Variants in NELL1 observed in about 807,000 individuals in gnomAD.
NELL1 encodes neural EGFL like 1, also known as protein kinase C-binding protein NELL1.
In NELL1, 76 loss-of-function variants were observed where a neutral mutation model predicts 107.4. The observed-to-expected ratio is 0.71, with a 90% CI of 0.59 to 0.86. The LOEUF is 0.86. Ranked by LOEUF, NELL1 falls within the 40% of genes least tolerant of loss-of-function variation. The pLI, the probability that NELL1 is intolerant of heterozygous loss-of-function variation, is 0.00. For synonymous variants in NELL1, 353 were observed against 341.2 expected (o/e 1.03, Z -0.38); for missense variants, 1,024 against 1,005.5 (o/e 1.02, Z -0.25).
At chr11:21,535,866 T>G (rs373857048) in intron 16 of NELL1, among the ~76,000 whole-genome samples, 1 of 152,188 alleles carries the variant, frequency 6.6e-6, no homozygotes, top group African/African-American at 2.4e-5. Context: ...CTTTACATAC[T>G]GCCAGGTACT....
intron 9 of NELL1, among the ~76,000 whole-genome samples, chr11:20,931,155 C>G (rs1483177646): frequency 6.6e-6 from 1 of 151,734 alleles, no homozygotes; most frequent in Non-Finnish European, 1.5e-5. Flanking sequence ...TTTACAGTGT[C>G]TGGAACTGTA....
chr11:21,434,846 A>C (rs1853067209), intron 15 of NELL1, among the ~76,000 whole-genome samples: 3 of 151,966 alleles, frequency 2.0e-5, no homozygotes, highest in African/African-American at 7.2e-5. Flanking sequence ...TGTCCTCTTC[A>C]ATTTATTTCA....
intron 4 of NELL1, among the ~76,000 whole-genome samples, chr11:20,865,449 T>A (rs1849078132): frequency 6.6e-6 from 1 of 152,134 alleles, no homozygotes. Flanking sequence ...CTGAGCTGAG[T>A]ATCTTCTATT....
chr11:21,575,118 TG>T lies in NELL1; in HGVS notation c.*97del. On this transcript the variant is annotated 3_prime_UTR_variant, in exon 20 of 20. Transcript: ENST00000357134. ...GGTAGTTTGGTTTTTTTGTTTGTTT[TG>T]TTTTTTTAACCACAGATAATTGCCA... The T allele has an allele frequency of 8.4e-7, 1 of 1,187,946 alleles. No homozygotes were observed. Among genetic ancestry groups the T allele is most frequent in the African/African-American group, 1.5e-5 (1 of 65,968 alleles). 73.6% of individuals were successfully genotyped at this position (1,187,946 alleles called of 1,614,324 possible). A position where few individuals can be genotyped will look rare whatever the true frequency, so the allele number is the denominator to read the frequency against.
chr11:20,947,206 G>T (rs1296584462), intron 10 of NELL1, 130 bp from the exon 11 acceptor site: 1 of 621,280 alleles, frequency 1.6e-6, no homozygotes, highest in Non-Finnish European at 2.9e-6. Context: ...ATCGTTTTTA[G>T]TGGAATCCCT....
At chr11:21,191,586 T>C (rs966089167) in intron 13 of NELL1, among the ~76,000 whole-genome samples, 2 of 151,888 alleles carry the variant, frequency 1.3e-5, no homozygotes, top group Admixed American at 1.3e-4. Flanking sequence ...GAAACTAAAA[T>C]AGCGATATTT....
At chr11:21,147,812 G>A (rs1397512121) in intron 13 of NELL1, among the ~76,000 whole-genome samples, 1 of 121,224 alleles carries the variant, frequency 8.2e-6, no homozygotes, top group East Asian at 2.4e-4. Context: ...CCCCAGCCTG[G>A]GCAACAAGAG....
chr11:21,508,945 A>T (rs753037632), intron 15 of NELL1, among the ~76,000 whole-genome samples: 33 of 152,154 alleles, frequency 2.2e-4, no homozygotes, highest in Non-Finnish European at 4.1e-4. Context: ...AAATTACCTT[A>T]TGTCCCTCAA....
chr11:20,888,059 C>T (rs1849545902), intron 5 of NELL1, among the ~76,000 whole-genome samples: 1 of 151,486 alleles, frequency 6.6e-6, no homozygotes, highest in Non-Finnish European at 1.5e-5. Flanking sequence ...TAAATAGGCC[C>T]AGAGATAGTT....
intron 10 of NELL1, among the ~76,000 whole-genome samples, chr11:20,942,768 G>A (rs994429687): frequency 1.3e-5 from 2 of 152,220 alleles, no homozygotes; most frequent in African/African-American, 4.8e-5. Flanking sequence ...TTCAGGGAAA[G>A]CTGGGATGAT....
chr11:21,008,960 A>C (rs983488932), intron 12 of NELL1, among the ~76,000 whole-genome samples: 1 of 152,272 alleles, frequency 6.6e-6, no homozygotes, highest in Non-Finnish European at 1.5e-5. Flanking sequence ...AGTAAGGTAG[A>C]GTCTCCAACG....
At chr11:21,229,559 G>A (rs1857989160) in intron 14 of NELL1, 105 bp downstream of exon 14, 1 of 1,449,866 alleles carries the variant, frequency 6.9e-7, no homozygotes. Flanking sequence ...ACACAGCCAG[G>A]GTTCCTGCTC....
intron 10 of NELL1, among the ~76,000 whole-genome samples, chr11:20,940,802 G>A (rs931394680): frequency 6.6e-6 from 1 of 152,282 alleles, no homozygotes; most frequent in Non-Finnish European, 1.5e-5. Flanking sequence ...TTGGAGACCA[G>A]CTGTCATAAT....
At chr11:20,756,950 A>G (rs910191532) in intron 2 of NELL1, among the ~76,000 whole-genome samples, 21 of 152,136 alleles carry the variant, frequency 1.4e-4, no homozygotes, top group African/African-American at 5.1e-4. Context: ...TATGAACACC[A>G]TATCACTAGT....
intron 5 of NELL1, among the ~76,000 whole-genome samples, chr11:20,900,213 C>G (rs1306665033): frequency 6.6e-6 from 1 of 152,068 alleles, no homozygotes; most frequent in East Asian, 1.9e-4. Flanking sequence ...TTCCAGAAGT[C>G]TAGCCCAAAC....
intron 14 of NELL1, among the ~76,000 whole-genome samples, chr11:21,303,945 C>CA (rs1327960318): frequency 6.6e-6 from 1 of 151,922 alleles, no homozygotes; most frequent in Non-Finnish European, 1.5e-5. Flanking sequence ...GGCAAAAGGG[C>CA]AAAAGAGTCC....
intron 14 of NELL1, among the ~76,000 whole-genome samples, chr11:21,364,401 A>C (rs1246884266): frequency 1.8e-5 from 2 of 111,086 alleles, no homozygotes; most frequent in African/African-American, 3.9e-5. Context: ...ACACAGCAAG[A>C]CTCTGTCTCA....
In NELL1 at chr11:21,262,008, C is replaced by T. The variant is rs139467468; in HGVS notation, c.1549+32554C>T. Among the ~76,000 whole-genome samples, 224 of 151,890 alleles carry T rather than the reference C, an allele frequency of 1.5e-3. 1 individual carries two copies. The highest frequency in any genetic ancestry group is 5.1e-3 in the African/African-American group (213 of 41,494). ...TAGGTTAGTATCGTTTATGTTATTA[C>T]GATTGTGCGTGTGCTATTGATAATC... is the stretch of plus-strand genomic sequence containing the variant. On this transcript the variant is annotated intron_variant, in intron 14 of 19. Coordinates refer to ENST00000357134, the MANE Select transcript of NELL1 (RefSeq NM_006157.5).
intron 12 of NELL1, among the ~76,000 whole-genome samples, chr11:20,977,015 TA>T (rs1313959147): frequency 6.6e-6 from 1 of 151,830 alleles, no homozygotes; most frequent in Non-Finnish European, 1.5e-5. Context: ...CCTCTTTGGG[TA>T]AAGTTTGGGT....
Sources: gnomAD v4.1 joint callset for allele counts (sites outside exome capture counted in the v4.1 genomes callset) on GRCh38, gnomAD v4.1.1 for gene constraint, MANE v1.5 for transcripts, NCBI Gene and HGNC (gene_info 2026-07-23, HGNC 2026-07-21) for gene names.